PCDHGB7: variants seen among roughly 807,000 people sequenced by gnomAD.
PCDHGB7 encodes protocadherin gamma subfamily B, 7, also known as protocadherin gamma-B7.
In PCDHGB7, 37 loss-of-function variants were observed where a neutral mutation model predicts 61.4. The observed-to-expected ratio is 0.60, with a 90% CI of 0.46 to 0.79. The LOEUF (loss-of-function observed/expected upper bound fraction) is 0.79, where lower values mean the gene tolerates loss of function less well. Ranked by LOEUF, PCDHGB7 falls within the 30% of genes least tolerant of loss-of-function variation. The probability of loss-of-function intolerance (pLI) is 0.00; values close to 1 mark genes in which losing one functional copy is unlikely to be tolerated. For missense variants in PCDHGB7, 1,166 were observed against 1,202.5 expected (o/e 0.97, Z 0.45); for synonymous variants, 464 against 503.5 (o/e 0.92, Z 1.05).
chr5:141,436,080 T>C (rs755968267), intron 1 of PCDHGB7, among the ~76,000 whole-genome samples: 1 of 152,204 alleles, frequency 6.6e-6, no homozygotes, highest in Admixed American at 6.5e-5. Context: ...CAGTGTTCTA[T>C]AGGTAATATT....
At chr5:141,464,279 C>CA (rs373828487) in intron 1 of PCDHGB7, among the ~76,000 whole-genome samples, 31,576 of 137,520 alleles carry the variant, frequency 0.23, 3,494 homozygotes, top group African/African-American at 0.28. Context: ...AAAAAAAAAG[C>CA]AAAAAAAAAA....
intron 1 of PCDHGB7, among the ~76,000 whole-genome samples, chr5:141,464,151 G>A (rs2099076865): frequency 6.6e-6 from 1 of 151,818 alleles, no homozygotes; most frequent in Non-Finnish European, 1.5e-5. Flanking sequence ...TGTAGTCCCA[G>A]CTACTTGGAA....
intron 1 of PCDHGB7, chr5:141,430,691 G>C (rs1479214920): frequency 1.4e-6 from 2 of 1,416,472 alleles, no homozygotes; most frequent in Non-Finnish European, 1.9e-6. Flanking sequence ...CCATTCTATG[G>C]GCGAAGGAAC....
rs1271891195 is a variant in PCDHGB7, at chr5:141,477,108, C to A, written c.2416-17699C>A. The A allele has an allele frequency of 2.5e-6, 4 of 1,614,232 alleles. No individual in the cohort carries two copies. Among genetic ancestry groups the A allele is most frequent in the Non-Finnish European group, 2.5e-6 (3 of 1,180,046 alleles). ...CAGGCCAAAGACAAGGGCGCCAATCCCGAAGGAGCACATTGCAAAGTGTTG... is the reference window on the plus strand; with the variant it reads ...CAGGCCAAAGACAAGGGCGCCAATCACGAAGGAGCACATTGCAAAGTGTTG... On this transcript the variant is annotated intron_variant, in intron 1 of 3. Coordinates refer to ENST00000398594, the MANE Select transcript of PCDHGB7 (RefSeq NM_018927.4). The surrounding 1 kb of genome is among the most constrained non-coding windows in gnomAD (Gnocchi z 4.9).
intron 1 of PCDHGB7, chr5:141,433,250 G>A: frequency 1.4e-6 from 2 of 1,440,892 alleles, no homozygotes; most frequent in Non-Finnish European, 1.9e-6. Flanking sequence ...CTGGAATGCA[G>A]CGGTACGATC....
intron 1 of PCDHGB7, among the ~76,000 whole-genome samples, chr5:141,425,919 GA>G (rs2096903434): frequency 6.6e-6 from 1 of 152,056 alleles, no homozygotes; most frequent in African/African-American, 2.4e-5. Flanking sequence ...CAGTCACTAC[GA>G]AAACTCATAA....
chr5:141,486,169 A>T lies in PCDHGB7; in HGVS notation c.2416-8638A>T. On this transcript the variant is annotated intron_variant, in intron 1 of 3. Transcript: ENST00000398594. The surrounding 1 kb of genome is among the most constrained non-coding windows in gnomAD (Gnocchi z 5.0). ...ATGGGGGTTCTCCAGCCATGGAGCA[A>T]CATTGCAGCCTTCGAGTGGATCTGC... 1 of 1,614,206 alleles carries T rather than the reference A, an allele frequency of 6.2e-7. No homozygotes were observed. Among genetic ancestry groups the T allele is most frequent in the Non-Finnish European group, 8.5e-7 (1 of 1,180,032 alleles).
rs1349189547 is a variant in PCDHGB7 at position 141,432,777 on chromosome 5, C to T, written c.2415+12503C>T. Reference sequence around the variant, plus strand: ...GCCGACAGCATCCCCCAAGTCCTGGCGGACCTCGGCAGCCTCGAGTCTCCA... The same window carrying T: ...GCCGACAGCATCCCCCAAGTCCTGGTGGACCTCGGCAGCCTCGAGTCTCCA... On this transcript the variant is annotated intron_variant, in intron 1 of 3. Coordinates refer to ENST00000398594, the MANE Select transcript of PCDHGB7 (RefSeq NM_018927.4). This position sits in a 1 kb window ranked among gnomAD's most constrained non-coding sequence, Gnocchi z 6.0. The T allele has an allele frequency of 6.2e-6, 10 of 1,614,154 alleles. No individual in the cohort carries two copies. The highest frequency in any genetic ancestry group is 7.6e-6 in the Non-Finnish European group (9 of 1,179,992).
At chr5:141,472,000 C>T (rs935165645) in intron 1 of PCDHGB7, among the ~76,000 whole-genome samples, 3 of 151,852 alleles carry the variant, frequency 2.0e-5, no homozygotes, top group African/African-American at 4.8e-5. Flanking sequence ...ATCCCTGCAT[C>T]GTATAGGGGC....
intron 1 of PCDHGB7, among the ~76,000 whole-genome samples, chr5:141,474,263 A>C (rs964712807): frequency 6.6e-6 from 1 of 152,188 alleles, no homozygotes; most frequent in Non-Finnish European, 1.5e-5. Context: ...CTGATAAACC[A>C]GTGTATCTCT....
At position 141,512,903 on chromosome 5, in the gene PCDHGB7, CAA is replaced by C. The variant is rs2099884494; in HGVS notation, c.*1731_*1732del. The C allele has an allele frequency of 6.6e-6, 1 of 152,224 alleles. No individual in the cohort carries two copies. Among genetic ancestry groups the C allele is most frequent in the African/African-American group, 2.4e-5 (1 of 41,452 alleles). 9.4% of individuals were successfully genotyped at this position (152,224 alleles called of 1,614,324 possible). On this transcript the variant is annotated 3_prime_UTR_variant, in exon 4 of 4. Transcript: ENST00000398594. ...CCCCACCCTCTTCCTGTGTCTCACG[CAA>C]GTTTTATACTCTAATATTTATATGG...
At chr5:141,467,627 G>A (rs2099147481) in intron 1 of PCDHGB7, among the ~76,000 whole-genome samples, 1 of 152,140 alleles carries the variant, frequency 6.6e-6, no homozygotes, top group South Asian at 2.1e-4. Context: ...ATTTGAGATA[G>A]CATCTTTATC....
intron 1 of PCDHGB7, chr5:141,441,894 G>T: frequency 2.9e-6 from 1 of 347,862 alleles, no homozygotes; most frequent in Non-Finnish European, 5.6e-6. Context: ...CCAAGGTGGT[G>T]GCTGTAGACG....
At chr5:141,450,489 CTG>C (rs2098682348) in intron 1 of PCDHGB7, among the ~76,000 whole-genome samples, 1 of 150,280 alleles carries the variant, frequency 6.7e-6, no homozygotes, top group Admixed American at 6.6e-5. Context: ...GTTTGTTTGT[CTG>C]TTTGTTTGTT....
chr5:141,507,735 C>T (rs942364858), intron 3 of PCDHGB7, among the ~76,000 whole-genome samples: 3 of 152,268 alleles, frequency 2.0e-5, no homozygotes, highest in Non-Finnish European at 2.9e-5. Flanking sequence ...TCATGCAGCT[C>T]GTTCCCCTGT....
At chr5:141,451,185 T>C (rs900513875) in intron 1 of PCDHGB7, among the ~76,000 whole-genome samples, 1 of 152,182 alleles carries the variant, frequency 6.6e-6, no homozygotes, top group Non-Finnish European at 1.5e-5. Context: ...GCCATTGCTG[T>C]GTAACAAATT....
At chr5:141,446,339 G>A (rs1455819111) in intron 1 of PCDHGB7, among the ~76,000 whole-genome samples, 1 of 152,164 alleles carries the variant, frequency 6.6e-6, no homozygotes, top group Non-Finnish European at 1.5e-5. Flanking sequence ...GAACTGGATG[G>A]ACAAAGCTAC....
chr5:141,472,307 C>T (rs949288194), intron 1 of PCDHGB7, among the ~76,000 whole-genome samples: 2 of 150,368 alleles, frequency 1.3e-5, no homozygotes, highest in Admixed American at 6.6e-5. Flanking sequence ...TTTGGGAAGC[C>T]GAGGCAGGCA....
In PCDHGB7 at chr5:141,490,996, G is replaced by A; in HGVS notation, c.2416-3811G>A. ...GCGTCTCCCTCGCTCTGCTCCTCCT[G>A]GCTCCTTGGTCACCAAGGTGACAGC... is the stretch of plus-strand genomic sequence containing the variant. On this transcript the variant is annotated intron_variant, in intron 1 of 3. Transcript: ENST00000398594. This position sits in a 1 kb window ranked among gnomAD's most constrained non-coding sequence, Gnocchi z 5.4. The A allele has an allele frequency of 6.2e-7, 1 of 1,614,090 alleles. No individual in the cohort carries two copies. The highest frequency in any genetic ancestry group is 8.5e-7 in the Non-Finnish European group (1 of 1,180,028).
Sources: gnomAD v4.1 joint callset for allele counts (sites outside exome capture counted in the v4.1 genomes callset) on GRCh38, gnomAD v4.1.1 for gene constraint, Gnocchi (gnomAD v3.1) non-coding constraint, MANE v1.5 for transcripts, NCBI Gene and HGNC (gene_info 2026-07-23, HGNC 2026-07-21) for gene names.